The following LRRC37A2 variants were observed in gnomAD, a reference collection of about 807,000 sequenced individuals.
LRRC37A2 encodes leucine rich repeat containing 37 member A2.
Under a neutral mutation model 68.8 loss-of-function variants are expected in LRRC37A2, and 9 were observed. The observed-to-expected ratio is 0.13, with a 90% CI of 0.08 to 0.23. The LOEUF (loss-of-function observed/expected upper bound fraction) is 0.23, where lower values mean the gene tolerates loss of function less well. Ranked by LOEUF, LRRC37A2 falls within the 10% of genes least tolerant of loss-of-function variation. The pLI is 1.00. For synonymous variants in LRRC37A2, 63 were observed against 367.6 expected (o/e 0.17, Z 9.48); for missense variants, 168 against 950.4 (o/e 0.18, Z 10.82).
At chr17:46,409,498 C>CT in the LRRC37A2 span, among the ~76,000 whole-genome samples, 1 of 151,486 alleles carries the variant, frequency 6.6e-6, no homozygotes, top group South Asian at 2.1e-4. Context: ...CCAAGCTGGT[C>CT]TTTAACTCTT....
the LRRC37A2 span, among the ~76,000 whole-genome samples, chr17:46,622,274 G>A: frequency 8.2e-5 from 12 of 146,130 alleles, no homozygotes; most frequent in South Asian, 1.1e-3. Flanking sequence ...TGGCTAACAC[G>A]GTGAAACCCT....
the LRRC37A2 span, among the ~76,000 whole-genome samples, chr17:47,029,707 T>C: frequency 6.6e-6 from 1 of 152,166 alleles, no homozygotes; most frequent in African/African-American, 2.4e-5. Context: ...GAGGTTTAGG[T>C]AGCATCAATA....
chr17:46,833,517 G>A, the LRRC37A2 span: 1 of 444,882 alleles, frequency 2.2e-6, no homozygotes, highest in Admixed American at 2.4e-5. Context: ...ACTTCTCTCT[G>A]AGCTTTCCGA....
chr17:46,763,743 T>C, the LRRC37A2 span: 1 of 149,636 alleles, frequency 6.7e-6, no homozygotes, highest in Admixed American at 6.7e-5. Context: ...TGGCCCCTTC[T>C]GAAGATACCG....
chr17:46,793,409 T>C, the LRRC37A2 span, among the ~76,000 whole-genome samples: 1 of 152,036 alleles, frequency 6.6e-6, no homozygotes, highest in Non-Finnish European at 1.5e-5. Context: ...CCGGCCGCTG[T>C]TGGGGTTAAC....
the LRRC37A2 span, among the ~76,000 whole-genome samples, chr17:46,903,422 A>G: frequency 6.6e-6 from 1 of 152,176 alleles, no homozygotes; most frequent in Non-Finnish European, 1.5e-5. Context: ...GTCAAGCAGA[A>G]AAACAGAAAA....
At chr17:46,809,607 GC>G in the LRRC37A2 span, among the ~76,000 whole-genome samples, 1 of 152,228 alleles carries the variant, frequency 6.6e-6, no homozygotes, top group Non-Finnish European at 1.5e-5. Flanking sequence ...CCTCAGCAGA[GC>G]CCCTTCCAGC....
the LRRC37A2 span, among the ~76,000 whole-genome samples, chr17:46,979,426 G>A: frequency 6.6e-6 from 1 of 152,188 alleles, no homozygotes; most frequent in African/African-American, 2.4e-5. Flanking sequence ...GGCAGCCTCT[G>A]TCCGCGGGCC....
At chr17:46,838,045 A>G in the LRRC37A2 span, among the ~76,000 whole-genome samples, 1 of 152,140 alleles carries the variant, frequency 6.6e-6, no homozygotes, top group Non-Finnish European at 1.5e-5. Context: ...CCATTGCTCC[A>G]ACCCCTGTGT....
At chr17:46,949,906 G>A in the LRRC37A2 span, among the ~76,000 whole-genome samples, 1 of 152,318 alleles carries the variant, frequency 6.6e-6, no homozygotes, top group South Asian at 2.1e-4. Flanking sequence ...GGTAAGTTGA[G>A]GCCAGACGCG....
At chr17:47,018,316 C>T in the LRRC37A2 span, 2 of 1,611,668 alleles carry the variant, frequency 1.2e-6, no homozygotes, top group Non-Finnish European at 8.5e-7. Flanking sequence ...GAGGTCGAAT[C>T]TTCTCTGACC....
chr17:46,809,774 G>A, the LRRC37A2 span, among the ~76,000 whole-genome samples: 2 of 151,966 alleles, frequency 1.3e-5, no homozygotes, highest in African/African-American at 4.8e-5. Flanking sequence ...GGTATGCCCC[G>A]TGACCAGTTG....
chr17:46,876,270 C>T, the LRRC37A2 span: 22 of 1,612,590 alleles, frequency 1.4e-5, no homozygotes, highest in South Asian at 3.3e-5. Context: ...CTCAGGACCA[C>T]GTGTAAGTGC....
At chr17:46,855,689 C>G in the LRRC37A2 span, among the ~76,000 whole-genome samples, 260 of 152,318 alleles carry the variant, frequency 1.7e-3, 1 homozygote, top group Admixed American at 9.3e-3. Flanking sequence ...CCCAGTTACC[C>G]AATCCAGTCT....
chr17:46,917,460 C>T, the LRRC37A2 span, among the ~76,000 whole-genome samples: 1 of 152,222 alleles, frequency 6.6e-6, no homozygotes, highest in Non-Finnish European at 1.5e-5. Flanking sequence ...TGATTCATGT[C>T]CCACTCCTGG....
At chr17:46,974,985 T>G in the LRRC37A2 span, among the ~76,000 whole-genome samples, 1 of 84,798 alleles carries the variant, frequency 1.2e-5, no homozygotes, top group African/African-American at 3.6e-5. Flanking sequence ...AATTACTATT[T>G]TCTTTTTTTT....
At chr17:46,921,089 C>G in the LRRC37A2 span, 1 of 152,086 alleles carries the variant, frequency 6.6e-6, no homozygotes, top group African/African-American at 2.4e-5. Flanking sequence ...TTGCCTGGTG[C>G]TAGAATCGCA....
At chr17:46,470,323 A>AT in the LRRC37A2 span, among the ~76,000 whole-genome samples, 1,977 of 43,070 alleles carry the variant, frequency 0.046, 394 homozygotes, top group African/African-American at 0.18. Flanking sequence ...AAAGAGTCAG[A>AT]TTTTTTTAAA....
the LRRC37A2 span, among the ~76,000 whole-genome samples, chr17:46,954,553 T>A: frequency 6.6e-6 from 1 of 152,238 alleles, no homozygotes; most frequent in African/African-American, 2.4e-5. Context: ...TTTTTTCCAA[T>A]TCTGTGAAGA....
Sources: allele counts gnomAD v4.1 joint callset (sites outside exome capture counted in the v4.1 genomes callset), GRCh38; gene constraint gnomAD v4.1.1; transcripts MANE v1.5; gene names NCBI Gene and HGNC (gene_info 2026-07-23, HGNC 2026-07-21).